Variants in SCARB2 observed in about 807,000 individuals in gnomAD.
SCARB2 encodes scavenger receptor class B member 2.
In SCARB2, 29 loss-of-function variants were observed where a neutral mutation model predicts 58.6. The ratio of observed to expected loss-of-function variants is 0.49; its 90% CI spans 0.37 to 0.67. The LOEUF (loss-of-function observed/expected upper bound fraction) is 0.67. Ranked by LOEUF, SCARB2 falls within the 30% of genes least tolerant of loss-of-function variation. The pLI is 0.00. For synonymous variants in SCARB2, 195 were observed against 210.1 expected, an observed-to-expected ratio of 0.93 and a Z score of 0.62; for missense variants, 488 against 578.5, an observed-to-expected ratio of 0.84 and a Z score of 1.60.
intron 1 of SCARB2, among the ~76,000 whole-genome samples, chr4:76,196,102 T>C (rs1195866806): frequency 2.0e-5 from 3 of 152,172 alleles, no homozygotes; most frequent in Non-Finnish European, 2.9e-5. Context: ...CCGGGCCCAG[T>C]GGCCCAACAC....
upstream of SCARB2, among the ~76,000 whole-genome samples, chr4:76,215,555 T>C (rs1282150923): frequency 2.0e-5 from 3 of 152,338 alleles, no homozygotes; most frequent in Middle Eastern, 6.8e-3. Flanking sequence ...ACTTTCTCGC[T>C]TTGAATTTGG....
intron 7 of SCARB2, among the ~76,000 whole-genome samples, chr4:76,171,044 A>G (rs1732119912): frequency 6.6e-6 from 1 of 151,508 alleles, no homozygotes; most frequent in Admixed American, 6.6e-5. Context: ...AGAGGGACCC[A>G]ACAATTGCTG....
intron 1 of SCARB2, among the ~76,000 whole-genome samples, chr4:76,209,354 ACTT>A (rs775332498): frequency 6.6e-6 from 1 of 152,114 alleles, no homozygotes; most frequent in Non-Finnish European, 1.5e-5. Flanking sequence ...ATTACATTTT[ACTT>A]CTTTTTTTAT....
In SCARB2 at chr4:76,175,805, T is replaced by C. The variant is rs773823057; in HGVS notation, c.810A>G (p.Pro270=). The C allele has an allele frequency of 1.2e-6, 2 of 1,614,036 alleles. No individual in the cohort carries two copies. The highest frequency in any genetic ancestry group is 1.7e-5 in the Admixed American group (1 of 60,020). ...AAAGCTTTTACCTGCAAAAGTCAGA[T>C]GGGAAGACATAAAGGACCTCATCTT... ...ITKDEVLYVF[P]SDFCRSVYIT... The change falls in exon 6 of 12, where the codon CCA becomes CCG. Residue 270 remains proline, a synonymous_variant. Transcript: ENST00000264896.
At chr4:76,169,211 G>GC (rs797011800) in intron 8 of SCARB2, among the ~76,000 whole-genome samples, 11 of 144,144 alleles carry the variant, frequency 7.6e-5, no homozygotes, top group African/African-American at 2.0e-4. Context: ...GAATGTTCTT[G>GC]TTTTTTTTTT....
In SCARB2 at chr4:76,161,629, C is replaced by G. The variant is rs926224753; in HGVS notation, c.*84G>C. 4.7e-5 allele frequency: 67 copies of G among 1,418,402 alleles called. No individual in the cohort carries two copies. Among genetic ancestry groups the G allele is most frequent in the Non-Finnish European group, 6.0e-5 (60 of 1,002,046 alleles). The allele number at this position is 1,418,402 out of a possible 1,614,324, so 87.9% of individuals were successfully genotyped here. Reference sequence around the variant, plus strand: ...TTTCCTTCTTTCAACAGGCAACAAGCCTGCAAGGAGGTGGAGGGTTTCCCC... The same window carrying G: ...TTTCCTTCTTTCAACAGGCAACAAGGCTGCAAGGAGGTGGAGGGTTTCCCC... On this transcript the variant is annotated 3_prime_UTR_variant, in exon 12 of 12. Coordinates refer to ENST00000264896, the MANE Select transcript of SCARB2 (RefSeq NM_005506.4).
At chr4:76,162,907 A>T in intron 11 of SCARB2, 1 of 540,168 alleles carries the variant, frequency 1.9e-6, no homozygotes, top group Non-Finnish European at 3.3e-6. Context: ...CAAAGATCAG[A>T]TGTGTAACTG....
At chr4:76,183,934 A>G (rs1379067402) in intron 2 of SCARB2, among the ~76,000 whole-genome samples, 2 of 152,182 alleles carry the variant, frequency 1.3e-5, no homozygotes, top group East Asian at 1.9e-4. Context: ...ATCATATCAC[A>G]TGTCTATATC....
chr4:76,180,050 C>T, intron 3 of SCARB2: 7 of 325,162 alleles, frequency 2.2e-5, no homozygotes, highest in South Asian at 2.0e-4. Flanking sequence ...GCCAGAGGCT[C>T]ATTATAAACC....
At chr4:76,206,637 GT>G (rs1560720545) in intron 1 of SCARB2, among the ~76,000 whole-genome samples, 1 of 151,556 alleles carries the variant, frequency 6.6e-6, no homozygotes, top group African/African-American at 2.4e-5. Context: ...GCATTTGGCA[GT>G]AAGAAAAGAC....
intron 1 of SCARB2, among the ~76,000 whole-genome samples, chr4:76,219,613 G>A (rs1733272643): frequency 6.6e-6 from 1 of 152,150 alleles, no homozygotes; most frequent in African/African-American, 2.4e-5. Flanking sequence ...ATCTCTTTCT[G>A]AGGGGAGAAA....
intron 1 of SCARB2, among the ~76,000 whole-genome samples, chr4:76,224,297 A>C (rs936646686): frequency 2.6e-5 from 4 of 152,210 alleles, no homozygotes; most frequent in Admixed American, 2.6e-4. Context: ...CGAAGGAAAA[A>C]TAAAACTTCT....
intron 6 of SCARB2, chr4:76,175,125 T>A (rs1732225825): frequency 6.6e-6 from 1 of 152,592 alleles, no homozygotes; most frequent in Admixed American, 6.5e-5. Flanking sequence ...CTACAGCATT[T>A]TTTAATGAAA....
At chr4:76,216,732 A>C (rs1560725575), upstream of SCARB2, among the ~76,000 whole-genome samples, 1 of 152,184 alleles carries the variant, frequency 6.6e-6, no homozygotes, top group Non-Finnish European at 1.5e-5. Context: ...TTCCCCTTTA[A>C]AACTCTGGAC....
rs139850630 is a variant in SCARB2 at position 76,198,054 on chromosome 4, G to A, written c.118-2190C>T. On this transcript the variant is annotated intron_variant, in intron 1 of 11. Transcript: ENST00000264896. ...GCGAGCCTGATGCTGCCTCAGCTGC[G>A]GTCTGCTCTGCTGCAAAGGCCCAGG... Among the ~76,000 whole-genome samples the A allele has an allele frequency of 8.5e-5, 13 of 152,090 alleles. 1 individual carries two copies. In the East Asian group the frequency reaches 9.7e-4, roughly 11 times the overall value.
chr4:76,179,743 T>C (rs1305359638), intron 3 of SCARB2, 38 bp from the exon 4 acceptor site: 2 of 1,510,544 alleles, frequency 1.3e-6, no homozygotes, highest in South Asian at 1.1e-5. Context: ...CAGCATCCCC[T>C]CCAAAGCACC....
At chr4:76,200,572 G>C (rs1021893386) in intron 1 of SCARB2, among the ~76,000 whole-genome samples, 3 of 152,236 alleles carry the variant, frequency 2.0e-5, no homozygotes. Context: ...GGCCCTGTCT[G>C]TAAGAAGAAA....
intron 2 of SCARB2, among the ~76,000 whole-genome samples, chr4:76,191,006 A>G (rs1343687848): frequency 1.3e-5 from 2 of 152,218 alleles, no homozygotes; most frequent in African/African-American, 2.4e-5. Context: ...AATATTGCTA[A>G]CATGTTGGAA....
intron 1 of SCARB2, among the ~76,000 whole-genome samples, chr4:76,220,598 C>G (rs1175117602): frequency 1.3e-5 from 2 of 152,210 alleles, no homozygotes; most frequent in African/African-American, 4.8e-5. Flanking sequence ...GTACTCCAGC[C>G]TGTGACAGAG....
Sources: gnomAD v4.1 joint callset for allele counts (sites outside exome capture counted in the v4.1 genomes callset) on GRCh38, gnomAD v4.1.1 for gene constraint, MANE v1.5 for transcripts, NCBI Gene and HGNC (gene_info 2026-07-23, HGNC 2026-07-21) for gene names.